The following CPQ variants were observed in gnomAD, a reference collection of about 807,000 sequenced individuals.
CPQ encodes the protein carboxypeptidase Q.
CPQ carries 37 observed loss-of-function variants against 45.7 expected under a neutral mutation model. That is an observed-to-expected ratio of 0.81 (90% CI 0.62 to 1.07). The LOEUF (loss-of-function observed/expected upper bound fraction) is 1.07. Among genes scored for constraint, CPQ ranks in the 50% least tolerant of loss-of-function variants. The probability of loss-of-function intolerance (pLI) is 0.00; values close to 1 mark genes in which losing one functional copy is unlikely to be tolerated. For synonymous variants in CPQ, 186 were observed against 205.8 expected (o/e 0.90, Z 0.82); for missense variants, 537 against 572.9 (o/e 0.94, Z 0.64).
At chr8:96,796,543 G>A (rs920894783) in intron 2 of CPQ, among the ~76,000 whole-genome samples, 13 of 152,134 alleles carry the variant, frequency 8.5e-5, no homozygotes, top group African/African-American at 2.9e-4. Context: ...TTAGAATGTA[G>A]TTAATAGACT....
chr8:96,987,142 A>G (rs1809000711), intron 5 of CPQ, among the ~76,000 whole-genome samples: 2 of 152,156 alleles, frequency 1.3e-5, no homozygotes, highest in African/African-American at 4.8e-5. Flanking sequence ...ATGCCTAAAT[A>G]TGCTATACTT....
At chr8:97,132,448 TC>T (rs901481874) in intron 7 of CPQ, among the ~76,000 whole-genome samples, 1 of 152,146 alleles carries the variant, frequency 6.6e-6, no homozygotes, top group African/African-American at 2.4e-5. Flanking sequence ...CTTTTCTAAT[TC>T]CCTTGTTTCT....
At chr8:96,845,968 C>T (rs1176993738) in intron 3 of CPQ, among the ~76,000 whole-genome samples, 1 of 152,092 alleles carries the variant, frequency 6.6e-6, no homozygotes, top group Non-Finnish European at 1.5e-5. Context: ...TACAGTCATG[C>T]ACCACCACAC....
intron 4 of CPQ, among the ~76,000 whole-genome samples, chr8:96,894,222 C>T (rs1812414898): frequency 6.6e-6 from 1 of 152,134 alleles, no homozygotes; most frequent in Admixed American, 6.6e-5. Context: ...TATCAGAGAC[C>T]CTAAGCCAGA....
intron 1 of CPQ, among the ~76,000 whole-genome samples, chr8:96,722,281 T>A (rs1187238263): frequency 6.6e-6 from 1 of 152,240 alleles, no homozygotes; most frequent in Non-Finnish European, 1.5e-5. Flanking sequence ...GTCTTTACTT[T>A]TTGAGGCTAC....
chr8:96,870,404 C>T (rs550842511), intron 3 of CPQ, among the ~76,000 whole-genome samples: 3 of 151,962 alleles, frequency 2.0e-5, no homozygotes, highest in Middle Eastern at 3.4e-3. Context: ...ATTATTTAGC[C>T]CACTATGTAT....
At chr8:96,668,881 A>T (rs1459631887) in intron 1 of CPQ, among the ~76,000 whole-genome samples, 4 of 152,130 alleles carry the variant, frequency 2.6e-5, no homozygotes, top group Non-Finnish European at 4.4e-5. Context: ...CAAAAAAAAA[A>T]AATCTCCAGC....
chr8:96,776,721 CATT>C (rs1320186322), intron 1 of CPQ, among the ~76,000 whole-genome samples: 2 of 152,034 alleles, frequency 1.3e-5, no homozygotes, highest in South Asian at 2.1e-4. Context: ...AAGAAAATGA[CATT>C]ATAAAGAATT....
intron 6 of CPQ, among the ~76,000 whole-genome samples, chr8:97,053,990 T>C (rs1446125822): frequency 1.3e-5 from 2 of 151,316 alleles, no homozygotes; most frequent in Non-Finnish European, 2.9e-5. Flanking sequence ...ACAACTGAAA[T>C]GAGGGGAGTT....
chr8:96,774,128 G>A (rs952601064), intron 1 of CPQ, among the ~76,000 whole-genome samples: 2 of 151,920 alleles, frequency 1.3e-5, no homozygotes, highest in African/African-American at 2.4e-5. Flanking sequence ...AAAATTAGCC[G>A]GGCACAGTGG....
intron 1 of CPQ, among the ~76,000 whole-genome samples, chr8:96,776,911 G>T (rs1380780386): frequency 6.6e-6 from 1 of 152,112 alleles, no homozygotes; most frequent in Non-Finnish European, 1.5e-5. Flanking sequence ...ATTTTGAAGG[G>T]TATAACATTT....
At chr8:97,069,199 T>C (rs1355814271) in intron 7 of CPQ, among the ~76,000 whole-genome samples, 1 of 152,198 alleles carries the variant, frequency 6.6e-6, no homozygotes, top group Non-Finnish European at 1.5e-5. Flanking sequence ...TTATTTCCTT[T>C]AGAGCATTAG....
At chr8:96,905,760 CAAAAAAAAAAAA>C (rs747470074) in intron 4 of CPQ, among the ~76,000 whole-genome samples, 96 of 64,874 alleles carry the variant, frequency 1.5e-3, no homozygotes, top group East Asian at 2.8e-3. Context: ...CTGTCTTAAC[CAAAAAAAAAAAA>C]AAAAAAAAAA....
chr8:96,703,945 A>G (rs1563473840), intron 1 of CPQ, among the ~76,000 whole-genome samples: 2 of 152,182 alleles, frequency 1.3e-5, no homozygotes, highest in Admixed American at 1.3e-4. Context: ...CTGGTGATAT[A>G]ATTTGGAATA....
intron 1 of CPQ, among the ~76,000 whole-genome samples, chr8:96,667,296 G>C (rs1808937618): frequency 6.6e-6 from 1 of 151,352 alleles, no homozygotes; most frequent in Admixed American, 6.6e-5. Context: ...TTCAGATGAT[G>C]GTGATTTTTT....
chr8:96,892,524 G>A (rs1192801861), intron 4 of CPQ, among the ~76,000 whole-genome samples: 2 of 152,106 alleles, frequency 1.3e-5, no homozygotes, highest in African/African-American at 2.4e-5. Flanking sequence ...AAGTTTCAGG[G>A]GGGTGGGGTT....
At chr8:97,032,328 G>C (rs1586504414) in intron 6 of CPQ, among the ~76,000 whole-genome samples, 2 of 152,254 alleles carry the variant, frequency 1.3e-5, no homozygotes, top group Admixed American at 1.3e-4. Context: ...ATATGCCTTT[G>C]AGTATTGACA....
At chr8:96,781,998 A>G (rs1306586870) in intron 1 of CPQ, among the ~76,000 whole-genome samples, 1 of 152,168 alleles carries the variant, frequency 6.6e-6, no homozygotes, top group Non-Finnish European at 1.5e-5. Context: ...TGAGCCCCCA[A>G]GGACTTGGAG....
chr8:96,787,521 A>T (rs1289874167), intron 2 of CPQ, among the ~76,000 whole-genome samples: 1 of 37,402 alleles, frequency 2.7e-5, no homozygotes, highest in Non-Finnish European at 7.2e-5. Flanking sequence ...TTTTCTTATA[A>T]TGTCTTTTTT....
Sources: allele counts gnomAD v4.1 joint callset (sites outside exome capture counted in the v4.1 genomes callset), GRCh38; gene constraint gnomAD v4.1.1; transcripts MANE v1.5; gene names NCBI Gene and HGNC (gene_info 2026-07-23, HGNC 2026-07-21).